The following MMAB variants were observed in gnomAD, a reference collection of about 807,000 sequenced individuals.
MMAB encodes the protein corrinoid adenosyltransferase MMAB.
In MMAB, 17 loss-of-function variants were observed where a neutral mutation model predicts 30.6. That is an observed-to-expected ratio of 0.56 (90% CI 0.38 to 0.83). The LOEUF (loss-of-function observed/expected upper bound fraction) is 0.83. MMAB is among the 40% of genes least tolerant of loss of function. The pLI, the probability that MMAB is intolerant of heterozygous loss-of-function variation, is 0.00. For synonymous variants in MMAB, 134 were observed against 138.6 expected, an observed-to-expected ratio of 0.97 and a Z score of 0.23; for missense variants, 311 against 331.6, an observed-to-expected ratio of 0.94 and a Z score of 0.48.
chr12:109,564,819 C>T (rs1884356392), intron 4 of MMAB: 4 of 503,982 alleles, frequency 7.9e-6, no homozygotes, highest in Admixed American at 3.2e-5. Flanking sequence ...GCTAAGGCTA[C>T]AGGCATTCAC....
At position 109,561,019 on chromosome 12, in the gene MMAB, C is replaced by A; in HGVS notation, c.584+21G>T. 1 of 1,562,826 alleles carries A rather than the reference C, an allele frequency of 6.4e-7. No homozygotes were observed. Among genetic ancestry groups the A allele is most frequent in the African/African-American group, 1.4e-5 (1 of 73,824 alleles). On this transcript the variant is annotated intron_variant, in intron 7 of 8. Transcript: ENST00000545712. The surrounding 1 kb of genome is among the most constrained non-coding windows in gnomAD (Gnocchi z 5.3). The stretch of plus-strand genomic sequence containing the variant: ...CCTCTCCCTCTCCCTTGGGCCCTCT[C>A]CCTCTCTCCAGCCCTCTTACCGTCT...
chr12:109,554,941 C>G lies in MMAB; in HGVS notation c.*2087G>C. The G allele has an allele frequency of 2.2e-6, 1 of 454,074 alleles. No individual in the cohort carries two copies. The highest frequency in any genetic ancestry group is 4.4e-6 in the Non-Finnish European group (1 of 226,794). The allele number at this position is 454,074 out of a possible 1,614,324, so 28.1% of individuals were successfully genotyped here. On this transcript the variant is annotated 3_prime_UTR_variant, in exon 9 of 9. Coordinates refer to ENST00000545712, the MANE Select transcript of MMAB (RefSeq NM_052845.4). ...CTCAGAGAAGTGTTTGCTGGTGAACCGGGAGACAGATACAGAGGCGGGGGT... is the reference window on the plus strand; with the variant it reads ...CTCAGAGAAGTGTTTGCTGGTGAACGGGGAGACAGATACAGAGGCGGGGGT...
At position 109,556,391 on chromosome 12, in the gene MMAB, C is replaced by T. The variant is rs1160007652; in HGVS notation, c.*637G>A. On this transcript the variant is annotated 3_prime_UTR_variant, in exon 9 of 9. Coordinates refer to ENST00000545712, the MANE Select transcript of MMAB (RefSeq NM_052845.4). The stretch of plus-strand genomic sequence containing the variant: ...TCAGAGGGGGTCCTCTAAGCTGCAC[C>T]CCCATCACACACACTTCAATCTAAG... 1 of 454,024 alleles carries T rather than the reference C, an allele frequency of 2.2e-6. No individual in the cohort carries two copies. The highest frequency in any genetic ancestry group is 1.6e-5 in the South Asian group (1 of 64,468). The allele number at this position is 454,024 out of a possible 1,614,324, so 28.1% of individuals were successfully genotyped here.
In MMAB at chr12:109,555,596, C is replaced by T. The variant is rs1467088121; in HGVS notation, c.*1432G>A. The T allele has an allele frequency of 2.2e-6, 1 of 451,972 alleles. No individual in the cohort carries two copies. The allele number at this position is 451,972 out of a possible 1,614,324, so 28.0% of individuals were successfully genotyped here. A position where few individuals can be genotyped will look rare whatever the true frequency, so the allele number is the denominator to read the frequency against. On this transcript the variant is annotated 3_prime_UTR_variant, in exon 9 of 9. Transcript: ENST00000545712. ...CTGTTTTGCAAACACTGAGCACCGACTCCGTACCAGACCTGGTAGTGACGA... is the reference window on the plus strand; with the variant it reads ...CTGTTTTGCAAACACTGAGCACCGATTCCGTACCAGACCTGGTAGTGACGA...
Position 109,561,425 on chromosome 12 carries a change from G to C in MMAB, c.514C>G (p.Leu172Val), listed in dbSNP as rs1197390393. 2.6e-6 allele frequency: 4 copies of C among 1,550,934 alleles called. No homozygotes were observed. Among genetic ancestry groups the C allele is most frequent in the Non-Finnish European group, 3.5e-6 (4 of 1,146,958 alleles). Residue 172 changes from leucine (L) to valine (V), a missense_variant, in exon 6 of 9, where the codon CTG (leucine) becomes GTG (valine). Physicochemically the swap from Leu to Val is conservative, Grantham distance 32 (BLOSUM62 1). Coordinates refer to ENST00000545712, the MANE Select transcript of MMAB (RefSeq NM_052845.4). This position sits in a 1 kb window ranked among gnomAD's most constrained non-coding sequence, Gnocchi z 5.3. Reference protein sequence around the residue: ...SQLPPLTAFILPSGGKISSAL... With the variant: ...SQLPPLTAFIVPSGGKISSAL... The stretch of plus-strand genomic sequence containing the variant: ...TAAGCCTGCCCAGTACCTACAGGCA[G>C]GATGAAGGCCGTGAGTGGTGGGAGC...
At position 109,562,098 on chromosome 12, in the gene MMAB, C is replaced by A. The variant is rs138478391; in HGVS notation, c.349-246G>T. Among the ~76,000 whole-genome samples the A allele has an allele frequency of 1.9e-3, 283 of 152,232 alleles. 4 individuals carry two copies. Among genetic ancestry groups the A allele is most frequent in the African/African-American group, 6.4e-3 (267 of 41,534 alleles). On this transcript the variant is annotated intron_variant, in intron 4 of 8. Coordinates refer to ENST00000545712, the MANE Select transcript of MMAB (RefSeq NM_052845.4). The stretch of plus-strand genomic sequence containing the variant: ...TAGTTTTGAATGGTTTAGCCCCAGC[C>A]CCCTAGTGCTGTCTTGTGATAGAGT...
In MMAB at chr12:109,555,275, G is replaced by GTTTTTCT; in HGVS notation, c.*1752_*1753insAGAAAAA. ...GAGCCTTAGTGATTGCGTTTTCAGG[G>GTTTTTCT]TTTTTTTTTTTTTTTTTTTTTTTTT... On this transcript the variant is annotated 3_prime_UTR_variant, in exon 9 of 9. Transcript: ENST00000545712. 1 of 340,816 alleles carries GTTTTTCT rather than the reference G, an allele frequency of 2.9e-6. No homozygotes were observed. The highest frequency in any genetic ancestry group is 5.3e-6 in the Non-Finnish European group (1 of 189,172). The allele number at this position is 340,816 out of a possible 1,614,324, so 21.1% of individuals were successfully genotyped here. A position where few individuals can be genotyped will look rare whatever the true frequency, so the allele number is the denominator to read the frequency against.
chr12:109,565,867 G>A (rs7301541), intron 3 of MMAB, among the ~76,000 whole-genome samples: 29,845 of 152,004 alleles, frequency 0.2, 3,194 homozygotes, highest in African/African-American at 0.28. Flanking sequence ...ACTGCCCCCC[G>A]ACACAGGTCA....
chr12:109,570,158 G>A (rs914316330), intron 2 of MMAB: 3 of 242,304 alleles, frequency 1.2e-5, no homozygotes, highest in Non-Finnish European at 2.6e-5. Context: ...AGCTATTCGC[G>A]AGGCTGAGGC....
chr12:109,571,885 C>T (rs979566651), intron 1 of MMAB, among the ~76,000 whole-genome samples, 175 bp from the exon 2 acceptor site: 2 of 152,178 alleles, frequency 1.3e-5, no homozygotes, highest in Admixed American at 1.3e-4. Flanking sequence ...TAATAGCAAA[C>T]ATTTTGTGGG....
rs369296142 is a variant in MMAB, at chr12:109,557,115, C to T, written c.666G>A (p.Thr222=). The change falls in exon 9 of 9, where the codon ACG becomes ACA. Residue 222 remains threonine, a synonymous_variant. Transcript: ENST00000545712. ...CCTTCATGGCTGCATATCTGGCTAG[C>T]GTGAAGAGATAGTCACTGAGTCTGG... is the stretch of plus-strand genomic sequence containing the variant. The part of the protein sequence containing the change: ...FLNRLSDYLF[T]LARYAAMKEG... 304 of 1,613,182 alleles carry T rather than the reference C, an allele frequency of 1.9e-4. No individual in the cohort carries two copies. The highest frequency in any genetic ancestry group is 2.3e-4 in the Non-Finnish European group (277 of 1,179,236).
chr12:109,568,918 T>A, intron 2 of MMAB, 55 bp from the exon 3 acceptor site: 1 of 1,255,036 alleles, frequency 8.0e-7, no homozygotes, highest in Admixed American at 1.8e-5. Flanking sequence ...CCTGATATGC[T>A]GTTTTTTTTT....
intron 7 of MMAB, among the ~76,000 whole-genome samples, chr12:109,559,893 C>T (rs1034684171): frequency 6.6e-5 from 10 of 152,348 alleles, no homozygotes; most frequent in South Asian, 4.1e-4. Context: ...TAGTGGGCAC[C>T]GCATGCTCAG....
At position 109,561,447 on chromosome 12, in the gene MMAB, G is replaced by C. The variant is rs1417223404; in HGVS notation, c.492C>G (p.Leu164=). The C allele has an allele frequency of 2.6e-6, 4 of 1,550,726 alleles. No homozygotes were observed. Among genetic ancestry groups the C allele is most frequent in the South Asian group, 1.2e-5 (1 of 84,060 alleles). The change falls in exon 6 of 9, where the codon CTC becomes CTG. Residue 164 remains leucine, a synonymous_variant. Transcript: ENST00000545712. This position sits in a 1 kb window ranked among gnomAD's most constrained non-coding sequence, Gnocchi z 5.3. ...EQWIDKYTSQ[L]PPLTAFILPS... is the part of the protein sequence containing the mutation. ...GCAGGATGAAGGCCGTGAGTGGTGG[G>C]AGCTGGCTGGTGTACTTGTCGATCC...
chr12:109,571,515 G>A lies in MMAB; in HGVS notation c.196+134C>T. 6 of 790,082 alleles carry A rather than the reference G, an allele frequency of 7.6e-6. No individual in the cohort carries two copies. In the South Asian group the frequency reaches 8.7e-5, roughly 11 times the overall value. The allele number at this position is 790,082 out of a possible 1,614,324, so 48.9% of individuals were successfully genotyped here. ...GATTAGCCCAACAGGGCCTCCCAAA[G>A]TGCCGGGATTACAGGCATGAGCCAC... On this transcript the variant is annotated intron_variant, in intron 2 of 8. Transcript: ENST00000545712.
chr12:109,566,863 G>A (rs1014512377), intron 3 of MMAB: 2 of 417,036 alleles, frequency 4.8e-6, no homozygotes, highest in Admixed American at 2.6e-5. Flanking sequence ...TAGCTGATGC[G>A]AGAACTGGCC....
chr12:109,568,746 C>T, intron 3 of MMAB, 24 bp downstream of exon 3: 2 of 1,588,360 alleles, frequency 1.3e-6, no homozygotes, highest in Non-Finnish European at 1.7e-6. Context: ...AACGCAACCT[C>T]AAGGCCAATC....
At chr12:109,557,846 GCCT>G (rs143899521) in intron 8 of MMAB, among the ~76,000 whole-genome samples, 1,862 of 152,302 alleles carry the variant, frequency 0.012, 31 homozygotes, top group African/African-American at 0.038. Flanking sequence ...CCCCTTTCCC[GCCT>G]CCTCCTTTGA....
rs1883921270 is a variant in MMAB at position 109,555,230 on chromosome 12, T to C, written c.*1798A>G. The C allele has an allele frequency of 2.2e-6, 1 of 451,854 alleles. No individual in the cohort carries two copies. Among genetic ancestry groups the C allele is most frequent in the Non-Finnish European group, 4.4e-6 (1 of 226,272 alleles). 28.0% of individuals were successfully genotyped at this position (451,854 alleles called of 1,614,324 possible). ...GAATTGAGTGATTCGCTGCAAGCTCTTTGAACATACTCCCTGACCGAGCCT... is the reference window on the plus strand; with the variant it reads ...GAATTGAGTGATTCGCTGCAAGCTCCTTGAACATACTCCCTGACCGAGCCT... On this transcript the variant is annotated 3_prime_UTR_variant, in exon 9 of 9. Transcript: ENST00000545712.
Sources: allele counts gnomAD v4.1 joint callset (sites outside exome capture counted in the v4.1 genomes callset), GRCh38; gene constraint gnomAD v4.1.1; non-coding constraint Gnocchi (gnomAD v3.1); transcripts MANE v1.5; gene names NCBI Gene and HGNC (gene_info 2026-07-23, HGNC 2026-07-21).